Variants in PROX1 observed in about 807,000 individuals in gnomAD.
The protein encoded by PROX1 is prospero homeobox 1.
A neutral mutation model predicts 58.8 loss-of-function variants in PROX1; 7 were observed. The observed-to-expected ratio is 0.12, with a 90% CI of 0.07 to 0.22. The LOEUF is 0.22. Ranked by LOEUF, PROX1 falls within the 10% of genes least tolerant of loss-of-function variation. The pLI, the probability that PROX1 is intolerant of heterozygous loss-of-function variation, is 1.00. For missense variants in PROX1, 675 were observed against 927.8 expected, an observed-to-expected ratio of 0.73 and a Z score of 3.54; for synonymous variants, 350 against 358.3, an observed-to-expected ratio of 0.98 and a Z score of 0.26.
chr1:214,002,151 A>G (rs973142199), intron 2 of PROX1, among the ~76,000 whole-genome samples: 2 of 152,166 alleles, frequency 1.3e-5, no homozygotes, highest in Non-Finnish European at 1.5e-5. Context: ...TTAGCTGGAA[A>G]AAAAGAATTT....
At chr1:214,016,663 C>A (rs147216289) in intron 4 of PROX1, among the ~76,000 whole-genome samples, 1 of 152,214 alleles carries the variant, frequency 6.6e-6, no homozygotes, top group African/African-American at 2.4e-5. Flanking sequence ...CACATGGCTG[C>A]CTGGAAACGT....
chr1:214,016,271 CT>C (rs1226748662), intron 4 of PROX1, among the ~76,000 whole-genome samples: 1 of 152,186 alleles, frequency 6.6e-6, no homozygotes, highest in Non-Finnish European at 1.5e-5. Flanking sequence ...CATACCTACC[CT>C]TTTCTTAACC....
At chr1:214,002,223 C>T (rs1231004761) in intron 2 of PROX1, among the ~76,000 whole-genome samples, 2 of 152,098 alleles carry the variant, frequency 1.3e-5, no homozygotes, top group East Asian at 1.9e-4. Flanking sequence ...TCCGCTGCTC[C>T]TCCCGTGGCT....
At chr1:214,022,129 C>T (rs1210709287) in intron 4 of PROX1, among the ~76,000 whole-genome samples, 2 of 152,138 alleles carry the variant, frequency 1.3e-5, no homozygotes, top group South Asian at 2.1e-4. Flanking sequence ...GGATCAATAC[C>T]GTTGTAGGAC....
chr1:214,018,345 T>C (rs1225813182), intron 4 of PROX1, among the ~76,000 whole-genome samples: 5 of 152,250 alleles, frequency 3.3e-5, no homozygotes, highest in African/African-American at 7.2e-5. Context: ...TGATGAAGCG[T>C]AGACGTTTAA....
intron 4 of PROX1, among the ~76,000 whole-genome samples, chr1:214,034,103 A>AT (rs1016312709): frequency 3.3e-5 from 5 of 152,244 alleles, no homozygotes; most frequent in African/African-American, 9.6e-5. Context: ...AGTCCCTTTC[A>AT]TTTTTTTCTG....
At chr1:213,998,355 ATCT>A in intron 2 of PROX1, 95 bp downstream of exon 2, 3 of 1,362,714 alleles carry the variant, frequency 2.2e-6, no homozygotes, top group Non-Finnish European at 2.9e-6. Flanking sequence ...GTAGATTAGT[ATCT>A]TCTTAAGAAG....
chr1:214,027,671 C>T (rs964587437), intron 4 of PROX1, among the ~76,000 whole-genome samples: 5 of 152,158 alleles, frequency 3.3e-5, no homozygotes, highest in Non-Finnish European at 7.4e-5. Flanking sequence ...GGTTGCAACA[C>T]GTCTGCCCCG....
chr1:213,996,348 A>T, intron 1 of PROX1, 121 bp from the exon 2 acceptor site: 1 of 588,138 alleles, frequency 1.7e-6, no homozygotes. Context: ...AAATTGCAAT[A>T]ATTGTAATGT....
At position 213,997,888 on chromosome 1, in the gene PROX1, T is replaced by G; in HGVS notation, c.1353T>G (p.Ser451=). The change falls in exon 2 of 5, where the codon TCT becomes TCG. Residue 451 remains serine, a synonymous_variant. Transcript: ENST00000366958. The surrounding 1 kb of genome is among the most constrained non-coding windows in gnomAD (Gnocchi z 7.1). The part of the protein sequence containing the change: ...LVVRKNSSDQ[S]ASGPAAGGHH... ...TCCGCAAAAACTCCTCTGACCAGTC[T>G]GCCTCCGGCCCTGCCGCTGGCGGCC... 1.9e-6 allele frequency: 3 copies of G among 1,612,422 alleles called. No individual in the cohort carries two copies. The highest frequency in any genetic ancestry group is 2.5e-6 in the Non-Finnish European group (3 of 1,179,088).
chr1:213,984,620 T>C (rs1174132051), upstream of PROX1: 1 of 152,396 alleles, frequency 6.6e-6, no homozygotes, highest in African/African-American at 2.4e-5. Context: ...GAGATGAGAG[T>C]GAGAGGCCGT....
At chr1:214,018,342 G>A (rs1003288611) in intron 4 of PROX1, among the ~76,000 whole-genome samples, 8 of 152,156 alleles carry the variant, frequency 5.3e-5, no homozygotes, top group African/African-American at 1.9e-4. Context: ...TTTTGATGAA[G>A]CGTAGACGTT....
rs904780719 is a variant in PROX1, at chr1:214,039,240, T to C, written c.*3406T>C. The C allele has an allele frequency of 3.3e-5, 5 of 152,246 alleles. No homozygotes were observed. Among genetic ancestry groups the C allele is most frequent in the Non-Finnish European group, 1.5e-5 (1 of 68,048 alleles). The allele number at this position is 152,246 out of a possible 1,614,324, so 9.4% of individuals were successfully genotyped here. ...CAAAACATTTAATTCTTACTGTATCTCTGGCTGTTTAATGAGGACGTTTCA... is the reference window on the plus strand; with the variant it reads ...CAAAACATTTAATTCTTACTGTATCCCTGGCTGTTTAATGAGGACGTTTCA... On this transcript the variant is annotated 3_prime_UTR_variant, in exon 5 of 5. Transcript: ENST00000366958.
intron 4 of PROX1, among the ~76,000 whole-genome samples, chr1:214,018,755 T>C (rs559967388): frequency 6.6e-6 from 1 of 152,336 alleles, no homozygotes; most frequent in South Asian, 2.1e-4. Context: ...TAGCAGTTTC[T>C]TTTGGAGGAA....
chr1:213,998,020 C>CA lies in PROX1; in HGVS notation c.1485_1486insA (p.Pro496ThrfsTer18), dbSNP rs1558171064. 12 of 1,612,214 alleles carry CA rather than the reference C, an allele frequency of 7.4e-6. No homozygotes were observed. Among genetic ancestry groups the CA allele is most frequent in the Non-Finnish European group, 1.0e-5 (12 of 1,179,022 alleles). On this transcript the variant is annotated frameshift_variant, in exon 2 of 5. Transcript: ENST00000366958. LOFTEE classifies it high-confidence loss of function. ...CCTTGATGGCCTATCCATTTCAGAGCCCATTAGGTGCTCCCTCCGGCTCCT... is the reference window on the plus strand; with the variant it reads ...CCTTGATGGCCTATCCATTTCAGAGCACCATTAGGTGCTCCCTCCGGCTCCT...
chr1:214,028,038 C>T (rs1163872197), intron 4 of PROX1, among the ~76,000 whole-genome samples: 4 of 151,778 alleles, frequency 2.6e-5, no homozygotes, highest in South Asian at 4.2e-4. Flanking sequence ...AGAAAGTGGG[C>T]CCAAACTGCA....
At chr1:213,991,351 T>C (rs1437324827) in intron 1 of PROX1, among the ~76,000 whole-genome samples, 2 of 152,212 alleles carry the variant, frequency 1.3e-5, no homozygotes, top group African/African-American at 4.8e-5. Flanking sequence ...TGGGTAGTTA[T>C]TGTTTCCATG....
chr1:214,035,137 A>G (rs1361920773), intron 4 of PROX1, among the ~76,000 whole-genome samples: 1 of 152,156 alleles, frequency 6.6e-6, no homozygotes. Flanking sequence ...ATCTGAGTCA[A>G]CAATCCTCTG....
chr1:214,011,404 A>T (rs1295348934), intron 3 of PROX1, 117 bp from the exon 4 acceptor site: 1 of 924,396 alleles, frequency 1.1e-6, no homozygotes, highest in African/African-American at 1.7e-5. Context: ...GTGGAGTTAA[A>T]TACGTATCTT....
Sources: gnomAD v4.1 joint callset for allele counts (sites outside exome capture counted in the v4.1 genomes callset) on GRCh38, gnomAD v4.1.1 for gene constraint, Gnocchi (gnomAD v3.1) non-coding constraint, MANE v1.5 for transcripts, NCBI Gene and HGNC (gene_info 2026-07-23, HGNC 2026-07-21) for gene names.